Variants in C9orf78 observed in about 807,000 individuals in gnomAD.
C9orf78 encodes the protein splicing factor C9orf78.
A neutral mutation model predicts 37.4 loss-of-function variants in C9orf78; 19 were observed. The ratio of observed to expected loss-of-function variants is 0.51; its 90% CI spans 0.35 to 0.74. C9orf78 has a LOEUF of 0.74. Among genes scored for constraint, C9orf78 ranks in the 30% least tolerant of loss-of-function variants. The pLI, the probability that C9orf78 is intolerant of heterozygous loss-of-function variation, is 0.01. For synonymous variants in C9orf78, 130 were observed against 128.0 expected (o/e 1.02, Z -0.10); for missense variants, 291 against 370.8 (o/e 0.78, Z 1.77).
chr9:129,834,941 C>A (rs1001643209), intron 1 of C9orf78, 175 bp from the exon 2 acceptor site: 36 of 665,396 alleles, frequency 5.4e-5, no homozygotes, highest in Non-Finnish European at 8.6e-5. Flanking sequence ...AGAGCCACTG[C>A]GCATCCCGGA....
At chr9:129,833,379 C>T in intron 4 of C9orf78, 68 bp downstream of exon 4, 1 of 885,914 alleles carries the variant, frequency 1.1e-6, no homozygotes, top group Admixed American at 1.8e-5. Context: ...GGCCCCAGCT[C>T]TCTGAGGGAA....
intron 3 of C9orf78, 70 bp downstream of exon 3, chr9:129,833,588 C>A: frequency 7.0e-7 from 1 of 1,438,532 alleles, no homozygotes; most frequent in Non-Finnish European, 9.8e-7. Context: ...TTTTGTGAAG[C>A]ACGCTCACTC....
intron 6 of C9orf78, 53 bp downstream of exon 6, chr9:129,830,818 A>G (rs949603485): frequency 3.1e-5 from 41 of 1,322,970 alleles, no homozygotes; most frequent in East Asian, 1.8e-4. Flanking sequence ...CCTGTCCCCC[A>G]TAACTTTTAA....
intron 4 of C9orf78, 130 bp from the exon 5 acceptor site, chr9:129,832,103 A>C: frequency 1.7e-6 from 1 of 604,368 alleles, no homozygotes. Flanking sequence ...AAAAAAAAAA[A>C]TGCCGTAGTA....
intron 5 of C9orf78, 78 bp from the exon 6 acceptor site, chr9:129,831,146 C>T (rs1257360339): frequency 1.3e-5 from 11 of 859,410 alleles, no homozygotes; most frequent in Non-Finnish European, 2.2e-5. Context: ...TGGTCCCCAA[C>T]ACTGGCCCGC....
chr9:129,833,051 GTA>G (rs2031548558), intron 4 of C9orf78, among the ~76,000 whole-genome samples: 2 of 146,654 alleles, frequency 1.4e-5, no homozygotes, highest in African/African-American at 5.0e-5. Context: ...ATACATATGT[GTA>G]TATGTGTGTA....
In C9orf78 at chr9:129,830,841, G is replaced by A. The variant is rs372278598; in HGVS notation, c.542+30C>T. 12 of 1,498,178 alleles carry A rather than the reference G, an allele frequency of 8.0e-6. No individual in the cohort carries two copies. The African/African-American group carries it at 1.4e-4, about 17-fold the overall frequency. The allele number at this position is 1,498,178 out of a possible 1,614,324, so 92.8% of individuals were successfully genotyped here. A position where few individuals can be genotyped will look rare whatever the true frequency, so the allele number is the denominator to read the frequency against. On this transcript the variant is annotated intron_variant, in intron 6 of 8. Transcript: ENST00000372447. ...CCATAACTTTTAACTGGAAAGCACTGTGTCTTCTGCCTAGGGGTCTCAAAC... is the reference window on the plus strand; with the variant it reads ...CCATAACTTTTAACTGGAAAGCACTATGTCTTCTGCCTAGGGGTCTCAAAC...
In C9orf78 at chr9:129,835,273, G is replaced by A. The variant is rs770309165; in HGVS notation, c.-52C>T. On this transcript the variant is annotated 5_prime_UTR_variant, in exon 1 of 9. Coordinates refer to ENST00000372447, the MANE Select transcript of C9orf78 (RefSeq NM_016520.3). ...GCCGCGCCTCTGCGCAGCGGCCCAG[G>A]CTGCTTCCGGCGCGCGGCAGAGCGG... The A allele has an allele frequency of 4.5e-6, 6 of 1,341,420 alleles. No homozygotes were observed. Among genetic ancestry groups the A allele is most frequent in the Non-Finnish European group, 4.2e-6 (4 of 961,968 alleles). 83.1% of individuals were successfully genotyped at this position (1,341,420 alleles called of 1,614,324 possible).
intron 1 of C9orf78, 51 bp downstream of exon 1, chr9:129,835,088 C>T (rs1376044784): frequency 3.6e-6 from 5 of 1,404,210 alleles, no homozygotes; most frequent in African/African-American, 1.4e-5. Context: ...GGTGAGTCCC[C>T]CAAACAAGTC....
chr9:129,834,519 A>G, intron 2 of C9orf78, 188 bp downstream of exon 2: 1 of 552,242 alleles, frequency 1.8e-6, no homozygotes, highest in South Asian at 2.4e-5. Flanking sequence ...ACACCCCGAG[A>G]CGACACAGCT....
At position 129,831,713 on chromosome 9, in the gene C9orf78, C is replaced by G. The variant is rs558922490; in HGVS notation, c.344+183G>C. On this transcript the variant is annotated intron_variant, in intron 5 of 8. Transcript: ENST00000372447. ...TGCTGGGACTACAGGTGAGAGCTAC[C>G]GTGCCCGGCCTGAAAAGACCTTTTA... 7 of 567,110 alleles carry G rather than the reference C, an allele frequency of 1.2e-5. No homozygotes were observed. In the East Asian group the frequency reaches 2.1e-4, roughly 17 times the overall value. The allele number at this position is 567,110 out of a possible 1,614,324, so 35.1% of individuals were successfully genotyped here.
intron 6 of C9orf78, chr9:129,830,596 C>G (rs949512113): frequency 4.8e-6 from 2 of 420,600 alleles, no homozygotes; most frequent in African/African-American, 4.0e-5. Flanking sequence ...TCACTGCAAC[C>G]TCCACCTTCA....
chr9:129,832,645 G>C (rs1013796246), intron 4 of C9orf78, among the ~76,000 whole-genome samples: 1 of 152,154 alleles, frequency 6.6e-6, no homozygotes, highest in Non-Finnish European at 1.5e-5. Flanking sequence ...CACCATGTTG[G>C]TCAGGCTGGT....
chr9:129,834,049 C>T, intron 2 of C9orf78: 1 of 272,962 alleles, frequency 3.7e-6, no homozygotes, highest in Non-Finnish European at 7.0e-6. Flanking sequence ...CCACTGCAGC[C>T]TTATTTGATA....
chr9:129,833,370 G>T, intron 4 of C9orf78, 77 bp downstream of exon 4: 1 of 794,536 alleles, frequency 1.3e-6, no homozygotes, highest in Non-Finnish European at 2.2e-6. Context: ...GCTGCTACAG[G>T]CCCCAGCTCT....
chr9:129,834,309 C>T, intron 2 of C9orf78: 1 of 205,210 alleles, frequency 4.9e-6, no homozygotes, highest in Non-Finnish European at 9.7e-6. Flanking sequence ...ATATTAATAC[C>T]AGTGCATTCT....
chr9:129,835,039 A>C, intron 1 of C9orf78, 100 bp downstream of exon 1: 1 of 973,406 alleles, frequency 1.0e-6, no homozygotes, highest in Non-Finnish European at 1.6e-6. Flanking sequence ...CCACCACCCG[A>C]GCTCACAGTT....
At position 129,829,315 on chromosome 9, in the gene C9orf78, G is replaced by A; in HGVS notation, c.680-12C>T. On this transcript the variant is annotated splice_polypyrimidine_tract_variant and intron_variant, in intron 7 of 8. Transcript: ENST00000372447. ...CTCCTCATGATAAACTGGACCCAAAGAGACCAGGGGACACGTTAGAACATG... is the reference window on the plus strand; with the variant it reads ...CTCCTCATGATAAACTGGACCCAAAAAGACCAGGGGACACGTTAGAACATG... 6.2e-7 allele frequency: 1 copy of A among 1,601,120 alleles called. No individual in the cohort carries two copies. Among genetic ancestry groups the A allele is most frequent in the Non-Finnish European group, 8.5e-7 (1 of 1,172,684 alleles).
At chr9:129,833,085 GTGTGTA>G (rs1234383793) in intron 4 of C9orf78, among the ~76,000 whole-genome samples, 11 of 148,752 alleles carry the variant, frequency 7.4e-5, no homozygotes, top group African/African-American at 2.5e-4. Flanking sequence ...GTGTGTGTGT[GTGTGTA>G]TACATACACA....
Sources: allele counts gnomAD v4.1 joint callset (sites outside exome capture counted in the v4.1 genomes callset), GRCh38; gene constraint gnomAD v4.1.1; transcripts MANE v1.5; gene names NCBI Gene and HGNC (gene_info 2026-07-23, HGNC 2026-07-21).